Variants in CLPB observed in about 807,000 individuals in gnomAD.
CLPB encodes the protein ClpB family mitochondrial disaggregase.
CLPB carries 40 observed loss-of-function variants against 78.4 expected under a neutral mutation model. The ratio of observed to expected loss-of-function variants is 0.51; its 90% CI spans 0.40 to 0.66. The LOEUF (loss-of-function observed/expected upper bound fraction) is 0.66, where lower values mean the gene tolerates loss of function less well. Ranked by LOEUF, CLPB falls within the 30% of genes least tolerant of loss-of-function variation. The pLI, the probability that CLPB is intolerant of heterozygous loss-of-function variation, is 0.00. For missense variants in CLPB, 780 were observed against 886.9 expected, an observed-to-expected ratio of 0.88 and a Z score of 1.53; for synonymous variants, 333 against 348.0, an observed-to-expected ratio of 0.96 and a Z score of 0.48.
chr11:72,372,168 A>C (rs572487806), intron 4 of CLPB, among the ~76,000 whole-genome samples: 5 of 152,290 alleles, frequency 3.3e-5, no homozygotes, highest in African/African-American at 9.6e-5. Flanking sequence ...TTGGACTCTA[A>C]ATAATATTTG....
At chr11:72,318,866 C>T (rs377579141) in intron 6 of CLPB, among the ~76,000 whole-genome samples, 1 of 152,158 alleles carries the variant, frequency 6.6e-6, no homozygotes, top group African/African-American at 2.4e-5. Flanking sequence ...TTGGCTCTGC[C>T]GACTTCAGCC....
In CLPB at chr11:72,301,796, G is replaced by C. The variant is rs565637011; in HGVS notation, c.1329+7C>G. ...CCCCCGCTCCATCCTGGCCCAAGGTGACTCACCTCATCAAACAGCTGCAGC... is the reference window on the plus strand; with the variant it reads ...CCCCCGCTCCATCCTGGCCCAAGGTCACTCACCTCATCAAACAGCTGCAGC... On this transcript the variant is annotated splice_region_variant and intron_variant, in intron 11 of 15. Transcript: ENST00000538039. The C allele has an allele frequency of 1.9e-6, 3 of 1,613,500 alleles. No individual in the cohort carries two copies. The highest frequency in any genetic ancestry group is 2.2e-5 in the South Asian group (2 of 90,970).
At chr11:72,415,851 C>T (rs1856007110) in intron 2 of CLPB, among the ~76,000 whole-genome samples, 1 of 152,166 alleles carries the variant, frequency 6.6e-6, no homozygotes, top group South Asian at 2.1e-4. Flanking sequence ...CTGCTCCTCA[C>T]AATAATGGTC....
chr11:72,339,721 T>C (rs933622543), intron 5 of CLPB, among the ~76,000 whole-genome samples: 8 of 152,270 alleles, frequency 5.3e-5, no homozygotes, highest in Non-Finnish European at 8.8e-5. Context: ...CAGGAGTTCC[T>C]GATCCAGTTG....
intron 9 of CLPB, 91 bp downstream of exon 9, chr11:72,307,108 A>G: frequency 8.6e-7 from 1 of 1,159,192 alleles, no homozygotes; most frequent in Non-Finnish European, 1.3e-6. Context: ...TTGATTGCCT[A>G]TTACTGAATT....
intron 4 of CLPB, among the ~76,000 whole-genome samples, chr11:72,373,552 C>T (rs1222474771): frequency 6.6e-6 from 1 of 152,198 alleles, no homozygotes; most frequent in Admixed American, 6.5e-5. Flanking sequence ...CTTCTCTCTA[C>T]ATTTATTCCA....
chr11:72,313,160 T>G (rs1379222699), intron 7 of CLPB, among the ~76,000 whole-genome samples: 6 of 152,202 alleles, frequency 3.9e-5, no homozygotes, highest in Non-Finnish European at 8.8e-5. Flanking sequence ...GTTTGTCACA[T>G]GTCTGTGGCA....
chr11:72,336,485 C>T (rs1026032272), intron 5 of CLPB: 1 of 152,234 alleles, frequency 6.6e-6, no homozygotes, highest in Non-Finnish European at 1.5e-5. Flanking sequence ...GTGATAATGA[C>T]TGCTGCCCTA....
chr11:72,344,064 C>CTGAA (rs1698635757), intron 5 of CLPB, among the ~76,000 whole-genome samples: 1 of 152,124 alleles, frequency 6.6e-6, no homozygotes, highest in Non-Finnish European at 1.5e-5. Flanking sequence ...TTCCTTCAGC[C>CTGAA]TGAATAAGCA....
In CLPB at chr11:72,293,163, C is replaced by T; in HGVS notation, c.*204G>A. ...AAGGCTTGTTAGCAGGTTATGGGCC[C>T]ACAACAAAGGGGCCAGAGTAGGGCG... On this transcript the variant is annotated 3_prime_UTR_variant, in exon 16 of 16. Transcript: ENST00000538039. 1 of 609,378 alleles carries T rather than the reference C, an allele frequency of 1.6e-6. No homozygotes were observed. Among genetic ancestry groups the T allele is most frequent in the South Asian group, 2.1e-5 (1 of 47,368 alleles). The allele number at this position is 609,378 out of a possible 1,614,324, so 37.7% of individuals were successfully genotyped here.
At chr11:72,402,161 G>A (rs1855582233) in intron 3 of CLPB, among the ~76,000 whole-genome samples, 2 of 152,170 alleles carry the variant, frequency 1.3e-5, no homozygotes, top group African/African-American at 2.4e-5. Context: ...TCAGGAGGGT[G>A]AGGTGGGTGG....
rs563326286 is a variant in CLPB, at chr11:72,341,528, G to A, written c.776-11724C>T. On this transcript the variant is annotated intron_variant, in intron 5 of 15. Coordinates refer to ENST00000538039, the MANE Select transcript of CLPB (RefSeq NM_001258392.3). The stretch of plus-strand genomic sequence containing the variant: ...AAAGTTATACATTAAAGATATAAAT[G>A]AGTTGGATCTTGAAGGCTAAGTAGG... 3.6e-4 allele frequency among the ~76,000 whole-genome samples: 55 copies of A among 152,362 alleles called. No homozygotes were observed. In the South Asian group the frequency reaches 0.011, roughly 29 times the overall value.
At chr11:72,364,532 A>AT (rs1474173642) in intron 4 of CLPB, among the ~76,000 whole-genome samples, 10 of 151,726 alleles carry the variant, frequency 6.6e-5, no homozygotes, top group South Asian at 2.1e-4. Flanking sequence ...ATTAAAAAAA[A>AT]ATATATAGAG....
intron 3 of CLPB, among the ~76,000 whole-genome samples, chr11:72,382,208 C>G (rs1854937262): frequency 6.6e-6 from 1 of 152,148 alleles, no homozygotes; most frequent in Admixed American, 6.5e-5. Context: ...CCAACAGATG[C>G]CAGTAACAGC....
intron 6 of CLPB, among the ~76,000 whole-genome samples, chr11:72,325,998 A>G (rs1206763443): frequency 1.3e-5 from 2 of 152,236 alleles, no homozygotes; most frequent in Non-Finnish European, 2.9e-5. Context: ...CTATTGTTCA[A>G]TTCCTAATAG....
chr11:72,317,145 T>C lies in CLPB; in HGVS notation c.949A>G (p.Ile317Val), dbSNP rs1590786067. Residue 317 changes from isoleucine to valine, a missense_variant, in exon 7 of 16, where the codon ATC becomes GTC. By Grantham distance (29) the Ile-to-Val change is conservative. This residue lies in a region of CLPB where 417 missense variants were observed against 414.7 expected (regional missense o/e 1.01). Transcript: ENST00000538039. The part of the protein sequence containing the change: ...FPLEQRLKEH[I>V]IGQESAIATV... ...GCGATGGCGCTCTCCTGGCCAATGA[T>C]GTGCTCCTTTAGTCGCTGCTCCAGG... is the stretch of plus-strand genomic sequence containing the variant. 3 of 1,612,422 alleles carry C rather than the reference T, an allele frequency of 1.9e-6. No homozygotes were observed. The highest frequency in any genetic ancestry group is 2.5e-6 in the Non-Finnish European group (3 of 1,179,542).
At position 72,302,339 on chromosome 11, in the gene CLPB, T is replaced by A. The variant is rs144078282; in HGVS notation, c.1132A>T (p.Arg378Trp). ...MHKDAKKGFI[R>W]LDMSEFQERH... ...TCCTGGAACTCGGACATGTCCAGCC[T>A]GATGAAGCCCTGTGTGGAAACAAGC... Residue 378 changes from arginine to tryptophan, a missense_variant, in exon 10 of 16, where the codon AGG becomes TGG. This residue lies in a region of CLPB where 91 missense variants were observed against 168.2 expected (regional missense o/e 0.54). Coordinates refer to ENST00000538039, the MANE Select transcript of CLPB (RefSeq NM_001258392.3). The A allele has an allele frequency of 9.4e-5, 152 of 1,614,006 alleles. 3 individuals are homozygous for A. The South Asian group carries it at 1.6e-3, about 17-fold the overall frequency.
intron 2 of CLPB, among the ~76,000 whole-genome samples, chr11:72,412,955 A>C (rs966519274): frequency 3.9e-5 from 6 of 152,260 alleles, no homozygotes; most frequent in African/African-American, 1.4e-4. Flanking sequence ...AAACTTATAG[A>C]ACAGTTACAA....
chr11:72,323,912 C>T (rs1320401090), intron 6 of CLPB, among the ~76,000 whole-genome samples: 3 of 151,764 alleles, frequency 2.0e-5, no homozygotes, highest in Non-Finnish European at 4.4e-5. Flanking sequence ...AAAGGAGCAT[C>T]ATGTGTAAAC....
Sources: gnomAD v4.1 joint callset for allele counts (sites outside exome capture counted in the v4.1 genomes callset) on GRCh38, gnomAD v4.1.1 for gene constraint, gnomAD v4.1.1 regional missense constraint, MANE v1.5 for transcripts, NCBI Gene and HGNC (gene_info 2026-07-23, HGNC 2026-07-21) for gene names.